The following ERGIC2 variants were observed in gnomAD, a reference collection of about 807,000 sequenced individuals.
ERGIC2 encodes ERGIC and golgi 2, also known as endoplasmic reticulum-Golgi intermediate compartment protein 2.
Under a neutral mutation model 52.5 loss-of-function variants are expected in ERGIC2, and 31 were observed. That is an observed-to-expected ratio of 0.59 (90% CI 0.44 to 0.80). The LOEUF (loss-of-function observed/expected upper bound fraction) is 0.80. Among genes scored for constraint, ERGIC2 ranks in the 30% least tolerant of loss-of-function variants. ERGIC2 has a pLI of 0.00. For synonymous variants in ERGIC2, 129 were observed against 140.6 expected (o/e 0.92, Z 0.58); for missense variants, 395 against 455.2 (o/e 0.87, Z 1.20).
chr12:29,366,606 A>G (rs1283615059), intron 5 of ERGIC2, among the ~76,000 whole-genome samples: 2 of 151,920 alleles, frequency 1.3e-5, no homozygotes, highest in Non-Finnish European at 2.9e-5. Flanking sequence ...ACTGGAAAGT[A>G]ATAACAAAAA....
At chr12:29,359,781 G>A (rs947580850) in intron 6 of ERGIC2, among the ~76,000 whole-genome samples, 1 of 151,754 alleles carries the variant, frequency 6.6e-6, no homozygotes, top group African/African-American at 2.4e-5. Context: ...AACGGGTAAA[G>A]AAAAATTTTT....
intron 6 of ERGIC2, among the ~76,000 whole-genome samples, chr12:29,360,417 TG>T (rs1434452864): frequency 6.7e-6 from 1 of 150,234 alleles, no homozygotes; most frequent in African/African-American, 2.4e-5. Flanking sequence ...TCATGTTAGG[TG>T]GAAAAAAGCA....
At chr12:29,364,102 G>A (rs1039898955) in intron 5 of ERGIC2, among the ~76,000 whole-genome samples, 1 of 152,008 alleles carries the variant, frequency 6.6e-6, no homozygotes, top group Non-Finnish European at 1.5e-5. Flanking sequence ...CACAAAATAA[G>A]TTTATTTCAT....
At position 29,366,880 on chromosome 12, in the gene ERGIC2, T is replaced by A; in HGVS notation, c.330A>T (p.Glu110Asp). 6.3e-7 allele frequency: 1 copy of A among 1,597,690 alleles called. No individual in the cohort carries two copies. ...AAACCATGTGAATCAAACTTACTGGTTCATAAACTAAACCATCTGCAGATG... is the reference window on the plus strand; with the variant it reads ...AAACCATGTGAATCAAACTTACTGGATCATAAACTAAACCATCTGCAGATG... ...MVASADGLVY[E>D]PTVFDLSPQQ... Residue 110 changes from glutamate to aspartate, a missense_variant, in exon 5 of 14, where the codon GAA becomes GAT. Coordinates refer to ENST00000360150, the MANE Select transcript of ERGIC2 (RefSeq NM_016570.3).
intron 8 of ERGIC2, among the ~76,000 whole-genome samples, chr12:29,353,981 T>C (rs769252203): frequency 7.9e-5 from 12 of 152,032 alleles, no homozygotes; most frequent in Non-Finnish European, 1.5e-4. Flanking sequence ...AAAGTTGTTC[T>C]GAAAATTGGT....
At chr12:29,372,886 G>A (rs1940462332) in intron 1 of ERGIC2, 1 of 151,614 alleles carries the variant, frequency 6.6e-6, no homozygotes, top group Non-Finnish European at 1.5e-5. Context: ...CAAACTCCTG[G>A]GCTGAAGCCT....
intron 5 of ERGIC2, 124 bp downstream of exon 5, chr12:29,366,753 T>G: frequency 1.9e-6 from 1 of 514,196 alleles, no homozygotes. Flanking sequence ...AGAATATGGA[T>G]TACTTTTGAA....
chr12:29,351,310 C>G (rs138695427), intron 8 of ERGIC2, among the ~76,000 whole-genome samples: 157 of 152,238 alleles, frequency 1.0e-3, no homozygotes, highest in African/African-American at 3.7e-3. Context: ...TTCAAGTAAG[C>G]CTTTTTCTGC....
Position 29,337,695 on chromosome 12 carries a change from G to A in ERGIC2, c.*3461C>T, listed in dbSNP as rs1329894424. 2 of 152,152 alleles carry A rather than the reference G, an allele frequency of 1.3e-5. No individual in the cohort carries two copies. Among genetic ancestry groups the A allele is most frequent in the Non-Finnish European group, 2.9e-5 (2 of 68,024 alleles). The allele number at this position is 152,152 out of a possible 1,614,324, so 9.4% of individuals were successfully genotyped here. A position where few individuals can be genotyped will look rare whatever the true frequency, so the allele number is the denominator to read the frequency against. ...GGAAAAGTACTAGCTTAAAAGGCAT[G>A]CTGAGATTTTAAAGGTCCTAAAGCT... On this transcript the variant is annotated 3_prime_UTR_variant, in exon 14 of 14. Coordinates refer to ENST00000360150, the MANE Select transcript of ERGIC2 (RefSeq NM_016570.3).
At chr12:29,341,934 A>T in intron 12 of ERGIC2, 118 bp from the exon 13 acceptor site, 1 of 537,082 alleles carries the variant, frequency 1.9e-6, no homozygotes. Flanking sequence ...ATTCACTTCC[A>T]TGGTTAAAAA....
intron 9 of ERGIC2, 108 bp downstream of exon 9, chr12:29,349,905 T>G (rs1940108087): frequency 1.5e-6 from 1 of 645,346 alleles, no homozygotes; most frequent in Non-Finnish European, 2.7e-6. Flanking sequence ...TTCCTTTGGA[T>G]GAATATGTTT....
intron 4 of ERGIC2, 36 bp downstream of exon 4, chr12:29,368,205 C>T: frequency 5.2e-6 from 7 of 1,350,364 alleles, no homozygotes; most frequent in Middle Eastern, 3.6e-4. Flanking sequence ...GAACCATAAC[C>T]TACATGTGGA....
rs972489236 is a variant in ERGIC2, at chr12:29,339,992, T to A, written c.*1164A>T. On this transcript the variant is annotated 3_prime_UTR_variant, in exon 14 of 14. Transcript: ENST00000360150. Reference sequence around the variant, plus strand: ...AATACAGCTTTTAATAGTACCTGTGTGATAGCTCCCTCTCACTGTTTTTAA... The same window carrying A: ...AATACAGCTTTTAATAGTACCTGTGAGATAGCTCCCTCTCACTGTTTTTAA... 1 of 152,194 alleles carries A rather than the reference T, an allele frequency of 6.6e-6. No homozygotes were observed. Among genetic ancestry groups the A allele is most frequent in the East Asian group, 1.9e-4 (1 of 5,196 alleles). The allele number at this position is 152,194 out of a possible 1,614,324, so 9.4% of individuals were successfully genotyped here. A position where few individuals can be genotyped will look rare whatever the true frequency, so the allele number is the denominator to read the frequency against.
rs941847918 is a variant in ERGIC2 at position 29,367,031 on chromosome 12, C to T, written c.263-84G>A. On this transcript the variant is annotated intron_variant, in intron 4 of 13. Transcript: ENST00000360150. ...AATATAAACAAATTAAGCCAACTAA[C>T]AGAAAACTCACCAAGCAAAAAAAAA... The T allele has an allele frequency of 7.8e-6, 4 of 512,294 alleles. No individual in the cohort carries two copies. The African/African-American group carries it at 8.7e-5, about 11-fold the overall frequency. The allele number at this position is 512,294 out of a possible 1,614,324, so 31.7% of individuals were successfully genotyped here.
chr12:29,352,671 T>C (rs1940149011), intron 8 of ERGIC2, among the ~76,000 whole-genome samples: 1 of 151,864 alleles, frequency 6.6e-6, no homozygotes, highest in Non-Finnish European at 1.5e-5. Flanking sequence ...CTCAAAAAAA[T>C]AAACAAACAA....
At chr12:29,344,874 T>C (rs1225654039) in intron 11 of ERGIC2, among the ~76,000 whole-genome samples, 1 of 152,174 alleles carries the variant, frequency 6.6e-6, no homozygotes, top group Non-Finnish European at 1.5e-5. Context: ...TCTATTAAAC[T>C]GTCCAATTCC....
chr12:29,342,008 G>A (rs1949843633), intron 12 of ERGIC2, 192 bp from the exon 13 acceptor site: 6 of 435,674 alleles, frequency 1.4e-5, no homozygotes, highest in South Asian at 8.6e-5. Flanking sequence ...CATAATTCAC[G>A]ATCTCAGCAC....
intron 12 of ERGIC2, 72 bp downstream of exon 12, chr12:29,343,048 C>A: frequency 7.8e-7 from 1 of 1,285,352 alleles, no homozygotes; most frequent in Non-Finnish European, 1.1e-6. Flanking sequence ...TACTTCTTGC[C>A]CCTTTGAGAA....
At chr12:29,374,491 G>C (rs553467755) in intron 1 of ERGIC2, among the ~76,000 whole-genome samples, 1 of 152,166 alleles carries the variant, frequency 6.6e-6, no homozygotes, top group Non-Finnish European at 1.5e-5. Flanking sequence ...CCCAAATCTT[G>C]ATTCTCTGCC....
Sources: allele counts gnomAD v4.1 joint callset (sites outside exome capture counted in the v4.1 genomes callset), GRCh38; gene constraint gnomAD v4.1.1; transcripts MANE v1.5; gene names NCBI Gene and HGNC (gene_info 2026-07-23, HGNC 2026-07-21).